The following NAALADL2 variants were observed in gnomAD, a reference collection of about 807,000 sequenced individuals.
NAALADL2 encodes the protein inactive N-acetylated-alpha-linked acidic dipeptidase-like protein 2.
Under a neutral mutation model 87.2 loss-of-function variants are expected in NAALADL2, and 76 were observed. The ratio of observed to expected loss-of-function variants is 0.87; its 90% CI spans 0.72 to 1.05. The LOEUF is 1.05. NAALADL2 is among the 50% of genes least tolerant of loss of function. NAALADL2 has a pLI of 0.00. For synonymous variants in NAALADL2, 354 were observed against 331.0 expected (o/e 1.07, Z -0.75); for missense variants, 1,089 against 945.8 (o/e 1.15, Z -1.99).
At chr3:174,792,148 G>T (rs1717535119) in intron 3 of NAALADL2, among the ~76,000 whole-genome samples, 1 of 152,136 alleles carries the variant, frequency 6.6e-6, no homozygotes, top group Non-Finnish European at 1.5e-5. Flanking sequence ...TTGAACCCAG[G>T]AGGCAGAGGT....
At chr3:175,694,185 A>C (rs1329274392) in intron 11 of NAALADL2, among the ~76,000 whole-genome samples, 1 of 152,186 alleles carries the variant, frequency 6.6e-6, no homozygotes, top group African/African-American at 2.4e-5. Context: ...GGTACAATAT[A>C]GACATTATAT....
At position 175,389,257 on chromosome 3, in the gene NAALADL2, AT is replaced by A. The variant is rs1345207646; in HGVS notation, c.1091-57966del. On this transcript the variant is annotated intron_variant, in intron 5 of 13. Coordinates refer to ENST00000454872, the MANE Select transcript of NAALADL2 (RefSeq NM_207015.3). ...TGAAGTAAAAATAATATAGGGTTGG[AT>A]TTTTTCCAGTGAAATTTTATTATTT... Among the ~76,000 whole-genome samples, 5 of 152,090 alleles carry A rather than the reference AT, an allele frequency of 3.3e-5. No homozygotes were observed. In the East Asian group the frequency reaches 9.6e-4, roughly 29 times the overall value.
chr3:175,217,200 C>G (rs946704460), intron 2 of NAALADL2, among the ~76,000 whole-genome samples: 1 of 152,136 alleles, frequency 6.6e-6, no homozygotes, highest in Non-Finnish European at 1.5e-5. Flanking sequence ...TATACCCCAG[C>G]TAGGCACATA....
intron 1 of NAALADL2, among the ~76,000 whole-genome samples, chr3:174,874,236 T>C (rs1043461076): frequency 1.3e-5 from 2 of 152,194 alleles, no homozygotes; most frequent in African/African-American, 4.8e-5. Flanking sequence ...GTTATAGAAG[T>C]TATCTACATT....
intron 11 of NAALADL2, among the ~76,000 whole-genome samples, chr3:175,705,927 G>T (rs1438992696): frequency 6.6e-6 from 1 of 152,102 alleles, no homozygotes; most frequent in Non-Finnish European, 1.5e-5. Flanking sequence ...TTAGAGCAAT[G>T]TCTCTAAGAA....
intron 3 of NAALADL2, among the ~76,000 whole-genome samples, chr3:174,763,586 C>CAAAAAAAAAAAAAAAAAAGA (rs1163373340): frequency 2.1e-5 from 1 of 48,376 alleles, no homozygotes; most frequent in Non-Finnish European, 3.6e-5. Flanking sequence ...GACTCCATCT[C>CAAAAAAAAAAAAAAAAAAGA]AAAAAAAAAA....
intron 2 of NAALADL2, among the ~76,000 whole-genome samples, chr3:174,618,411 T>C (rs1481774577): frequency 6.6e-6 from 1 of 151,776 alleles, no homozygotes; most frequent in Non-Finnish European, 1.5e-5. Context: ...AGTGGGGCCT[T>C]AATTTTTTTT....
chr3:175,019,875 C>T (rs1751349774), intron 1 of NAALADL2, among the ~76,000 whole-genome samples: 1 of 152,048 alleles, frequency 6.6e-6, no homozygotes, highest in African/African-American at 2.4e-5. Context: ...TCTTCAGTGT[C>T]AGCCTGAGAT....
intron 2 of NAALADL2, among the ~76,000 whole-genome samples, chr3:174,589,028 G>A (rs1410029208): frequency 6.6e-6 from 1 of 152,118 alleles, no homozygotes; most frequent in African/African-American, 2.4e-5. Context: ...GTTCCATCCA[G>A]TTCCAGCTTC....
At chr3:175,491,431 A>T (rs1728084105) in intron 9 of NAALADL2, among the ~76,000 whole-genome samples, 1 of 151,932 alleles carries the variant, frequency 6.6e-6, no homozygotes, top group Non-Finnish European at 1.5e-5. Context: ...TCTTTTGAGT[A>T]TGCCTTTATG....
intron 5 of NAALADL2, among the ~76,000 whole-genome samples, chr3:175,428,070 T>A (rs1717119273): frequency 6.6e-6 from 1 of 152,156 alleles, no homozygotes; most frequent in African/African-American, 2.4e-5. Context: ...CACTGTTTCA[T>A]CTTTACAGCT....
intron 10 of NAALADL2, among the ~76,000 whole-genome samples, chr3:175,581,641 T>A (rs2149575301): frequency 6.6e-6 from 1 of 152,320 alleles, no homozygotes; most frequent in East Asian, 1.9e-4. Context: ...AAGGTTAATA[T>A]CAATGTGGAA....
intron 2 of NAALADL2, among the ~76,000 whole-genome samples, chr3:174,570,134 C>T (rs1714756116): frequency 6.6e-6 from 1 of 152,174 alleles, no homozygotes; most frequent in South Asian, 2.1e-4. Context: ...CATAGTGTTG[C>T]ACTGCTTGTT....
intron 1 of NAALADL2, among the ~76,000 whole-genome samples, chr3:174,899,393 G>A (rs532925862): frequency 7.6e-4 from 115 of 152,230 alleles, no homozygotes; most frequent in African/African-American, 2.6e-3. Flanking sequence ...GGTGAGGGGT[G>A]ATTGGATCAT....
At chr3:175,015,483 C>A (rs1466991943) in intron 1 of NAALADL2, among the ~76,000 whole-genome samples, 1 of 151,998 alleles carries the variant, frequency 6.6e-6, no homozygotes, top group Non-Finnish European at 1.5e-5. Context: ...TATCTTCTTG[C>A]CTGAGACCTG....
At chr3:174,649,355 A>T (rs1043541100) in intron 2 of NAALADL2, among the ~76,000 whole-genome samples, 20 of 152,184 alleles carry the variant, frequency 1.3e-4, no homozygotes, top group African/African-American at 4.8e-4. Context: ...TTAGATTAGC[A>T]TACTTGTAGT....
chr3:175,415,954 T>TAA (rs58764853), intron 5 of NAALADL2, among the ~76,000 whole-genome samples: 10,844 of 133,442 alleles, frequency 0.081, 565 homozygotes, highest in East Asian at 0.14. Context: ...TGTCTCTATT[T>TAA]AAAAAAAAAA....
intron 2 of NAALADL2, among the ~76,000 whole-genome samples, chr3:174,659,392 T>C (rs1725294207): frequency 6.6e-6 from 1 of 152,232 alleles, no homozygotes; most frequent in African/African-American, 2.4e-5. Flanking sequence ...AACTAGTTCA[T>C]ATTCTTTGCT....
chr3:174,782,857 T>A (rs1716159653), intron 3 of NAALADL2, among the ~76,000 whole-genome samples: 1 of 152,048 alleles, frequency 6.6e-6, no homozygotes, highest in Admixed American at 6.6e-5. Context: ...TTCAATTACC[T>A]CTTACTGGGT....
Sources: gnomAD v4.1 joint callset for allele counts (sites outside exome capture counted in the v4.1 genomes callset) on GRCh38, gnomAD v4.1.1 for gene constraint, MANE v1.5 for transcripts, NCBI Gene and HGNC (gene_info 2026-07-23, HGNC 2026-07-21) for gene names.